Variants in INPP5D observed in about 807,000 individuals in gnomAD.
The protein encoded by INPP5D is inositol polyphosphate-5-phosphatase D.
In INPP5D, 33 loss-of-function variants were observed where a neutral mutation model predicts 122.9. That is an observed-to-expected ratio of 0.27 (90% confidence interval 0.20 to 0.36). INPP5D has a LOEUF of 0.36. Among genes scored for constraint, INPP5D ranks in the 10% least tolerant of loss-of-function variants. INPP5D has a pLI of 1.00. For missense variants in INPP5D, 1,053 were observed against 1,412.7 expected (o/e 0.75, Z 4.08); for synonymous variants, 584 against 576.2 (o/e 1.01, Z -0.19).
At position 233,184,541 on chromosome 2, in the gene INPP5D, C is replaced by T. The variant is rs745400922; in HGVS notation, c.2275+20C>T. 1.9e-6 allele frequency: 3 copies of T among 1,613,576 alleles called. No homozygotes were observed. The highest frequency in any genetic ancestry group is 2.7e-5 in the African/African-American group (2 of 74,924). ...TGGAGAGTAAGTGGCTGCTGAGCCA[C>T]CTTCTGGGCAGAACTGCCCGGAGCC... On this transcript the variant is annotated intron_variant, in intron 20 of 26. Transcript: ENST00000445964.
intron 2 of INPP5D, among the ~76,000 whole-genome samples, chr2:233,095,030 G>A (rs1005884097): frequency 2.0e-5 from 3 of 152,136 alleles, no homozygotes; most frequent in Non-Finnish European, 4.4e-5. Flanking sequence ...ACCTCATGTT[G>A]CCTAGGTTAG....
In INPP5D at chr2:233,078,640, G is replaced by A. The variant is rs146002464; in HGVS notation, c.135-695G>A. 2.3e-3 allele frequency among the ~76,000 whole-genome samples: 354 copies of A among 152,226 alleles called. 3 individuals carry two copies. The highest frequency in any genetic ancestry group is 0.019 in the East Asian group (96 of 5,176). On this transcript the variant is annotated intron_variant, in intron 1 of 26. Coordinates refer to ENST00000445964, the MANE Select transcript of INPP5D (RefSeq NM_001017915.3). This position sits in a 1 kb window ranked among gnomAD's most constrained non-coding sequence, Gnocchi z 4.6. Reference sequence around the variant, plus strand: ...CGCTCTGCTTGGGCCCACTGGAGTCGTGTTTCTTCTTCAAACACCCCCTCT... The same window carrying A: ...CGCTCTGCTTGGGCCCACTGGAGTCATGTTTCTTCTTCAAACACCCCCTCT...
intron 1 of INPP5D, among the ~76,000 whole-genome samples, chr2:233,061,453 C>T (rs1175275325): frequency 1.3e-5 from 2 of 152,090 alleles, no homozygotes; most frequent in Admixed American, 6.6e-5. Flanking sequence ...ATCATTTTGC[C>T]GGGGCCTCAG....
At position 233,190,650 on chromosome 2, in the gene INPP5D, G is replaced by A. The variant is rs79330248; in HGVS notation, c.2446+713G>A. On this transcript the variant is annotated intron_variant, in intron 22 of 26. Transcript: ENST00000445964. Reference sequence around the variant, plus strand: ...GTGGAGGCCCACAGCCAGAGAGACAGCAGGGGCTTTTGTACCATCTCTGCC... The same window carrying A: ...GTGGAGGCCCACAGCCAGAGAGACAACAGGGGCTTTTGTACCATCTCTGCC... Among the ~76,000 whole-genome samples the A allele has an allele frequency of 9.4e-3, 1,427 of 152,314 alleles. 18 individuals carry two copies. The highest frequency in any genetic ancestry group is 0.059 in the East Asian group (304 of 5,176).
intron 20 of INPP5D, 127 bp from the exon 21 acceptor site, chr2:233,185,714 TAA>T (rs34533084): frequency 0.12 from 74,712 of 612,980 alleles, 4 homozygotes; most frequent in East Asian, 0.14. Flanking sequence ...GGCCCCGAGA[TAA>T]AAAAAAAAAA....
intron 8 of INPP5D, 114 bp downstream of exon 8, chr2:233,146,552 A>G: frequency 1.5e-6 from 1 of 686,706 alleles, no homozygotes; most frequent in Non-Finnish European, 2.7e-6. Context: ...AAGAGCAGGG[A>G]GCGCATTAGC....
intron 2 of INPP5D, among the ~76,000 whole-genome samples, chr2:233,113,714 G>A (rs926211893): frequency 3.3e-5 from 5 of 152,140 alleles, no homozygotes; most frequent in African/African-American, 4.8e-5. Flanking sequence ...TGCCCTGTTC[G>A]ATGGGCTAAT....
Position 233,161,948 on chromosome 2 carries a change from T to G in INPP5D, c.1240+122T>G, listed in dbSNP as rs367936476. ...CCCCTTCCTTCCTGCCCCAGGGCCCTGCCCCTAAGCCCCAGCCCACCCGCA... is the reference window on the plus strand; with the variant it reads ...CCCCTTCCTTCCTGCCCCAGGGCCCGGCCCCTAAGCCCCAGCCCACCCGCA... On this transcript the variant is annotated intron_variant, in intron 11 of 26. Transcript: ENST00000445964. 1.3e-5 allele frequency: 18 copies of G among 1,414,240 alleles called. 1 individual carries two copies. The highest frequency in any genetic ancestry group is 1.0e-4 in the African/African-American group (7 of 69,636). 87.6% of individuals were successfully genotyped at this position (1,414,240 alleles called of 1,614,324 possible). A position where few individuals can be genotyped will look rare whatever the true frequency, so the allele number is the denominator to read the frequency against.
At chr2:233,098,918 C>G (rs1460688261) in intron 2 of INPP5D, among the ~76,000 whole-genome samples, 1 of 114,636 alleles carries the variant, frequency 8.7e-6, no homozygotes, top group Non-Finnish European at 2.0e-5. Context: ...TCCTGCTAAG[C>G]TAGATTTGGA....
chr2:233,174,480 G>A (rs761518910), intron 17 of INPP5D, among the ~76,000 whole-genome samples: 19 of 152,180 alleles, frequency 1.2e-4, no homozygotes, highest in Non-Finnish European at 2.2e-4. Flanking sequence ...AGCTGATGCC[G>A]AGAACTGCAA....
rs1361993179 is a variant in INPP5D at position 233,204,801 on chromosome 2, T to A, written c.3567+84T>A. The stretch of plus-strand genomic sequence containing the variant: ...GTATGTGTGTACCTATGCATATGTG[T>A]GTGCATGTGTGTGTGCACGCATGCA... On this transcript the variant is annotated intron_variant, in intron 26 of 26. Coordinates refer to ENST00000445964, the MANE Select transcript of INPP5D (RefSeq NM_001017915.3). 2.2e-6 allele frequency: 3 copies of A among 1,387,598 alleles called. No homozygotes were observed. The South Asian group carries it at 4.6e-5, about 21-fold the overall frequency. 86.0% of individuals were successfully genotyped at this position (1,387,598 alleles called of 1,614,324 possible). A position where few individuals can be genotyped will look rare whatever the true frequency, so the allele number is the denominator to read the frequency against.
chr2:233,169,397 C>A lies in INPP5D; in HGVS notation c.1648C>A (p.Leu550Ile). ...CTTGACTTCAGGAAGTGAAAAGAAA[C>A]TCAGGTAATGGAACTCCTTCCCCCC... The part of the protein sequence containing the change: ...SHLTSGSEKK[L>I]RRNQNYMNIL... The change falls in exon 14 of 27, where the codon CTC becomes ATC. Residue 550 changes from leucine (L) to isoleucine (I), a missense_variant. Leu to Ile is a conservative substitution (Grantham distance 5, BLOSUM62 2). Coordinates refer to ENST00000445964, the MANE Select transcript of INPP5D (RefSeq NM_001017915.3). 1 of 1,580,450 alleles carries A rather than the reference C, an allele frequency of 6.3e-7. No homozygotes were observed. The highest frequency in any genetic ancestry group is 8.6e-7 in the Non-Finnish European group (1 of 1,161,460).
intron 4 of INPP5D, 42 bp from the exon 5 acceptor site, chr2:233,130,466 G>A (rs746010574): frequency 6.2e-7 from 1 of 1,602,250 alleles, no homozygotes; most frequent in Non-Finnish European, 8.5e-7. Context: ...GTGGCTAAAA[G>A]AAACAGGCAA....
intron 6 of INPP5D, chr2:233,145,276 C>G (rs1256256616): frequency 1.8e-5 from 8 of 456,066 alleles, no homozygotes; most frequent in Non-Finnish European, 3.1e-5. Context: ...AGCTGTGCGA[C>G]CTCAGACAAG....
intron 9 of INPP5D, among the ~76,000 whole-genome samples, chr2:233,152,275 T>G (rs1169552077): frequency 6.6e-6 from 1 of 152,178 alleles, no homozygotes; most frequent in Non-Finnish European, 1.5e-5. Flanking sequence ...AATCTGTGGT[T>G]GCAAGAGTTG....
intron 2 of INPP5D, among the ~76,000 whole-genome samples, chr2:233,091,244 C>A (rs192336444): frequency 2.0e-5 from 3 of 152,186 alleles, no homozygotes; most frequent in African/African-American, 7.2e-5. Flanking sequence ...GTCCCATAGC[C>A]GCTCCTTATA....
intron 5 of INPP5D, among the ~76,000 whole-genome samples, chr2:233,133,751 T>A (rs1033992205): frequency 8.5e-5 from 13 of 152,098 alleles, no homozygotes; most frequent in African/African-American, 2.9e-4. Flanking sequence ...CATGATCTGA[T>A]TTTCAAGTGG....
At position 233,163,775 on chromosome 2, in the gene INPP5D, G is replaced by A. The variant is rs776762956; in HGVS notation, c.1309G>A (p.Asp437Asn). The part of the protein sequence containing the change: ...LSKGQGKTRD[D>N]SADYIPHDIY... ...CAAGGGGCAGGGAAAGACGCGGGAC[G>A]ACTCTGCGGACTACATCCCCCATGA... The change falls in exon 12 of 27, where the codon GAC becomes AAC. Residue 437 changes from aspartate to asparagine, a missense_variant. Around this residue, in one of 6 missense-constraint regions of INPP5D, gnomAD observed 105 missense variants for 199.8 expected, o/e 0.53. Transcript: ENST00000445964. 1.9e-6 allele frequency: 3 copies of A among 1,613,944 alleles called. No homozygotes were observed. Among genetic ancestry groups the A allele is most frequent in the Admixed American group, 1.7e-5 (1 of 60,016 alleles).
intron 2 of INPP5D, among the ~76,000 whole-genome samples, chr2:233,102,380 C>T (rs1245353836): frequency 6.6e-6 from 1 of 152,152 alleles, no homozygotes; most frequent in African/African-American, 2.4e-5. Context: ...CCCGCCTCTC[C>T]CTAGTGTCCC....
Sources: gnomAD v4.1 joint callset for allele counts (sites outside exome capture counted in the v4.1 genomes callset) on GRCh38, gnomAD v4.1.1 for gene constraint, gnomAD v4.1.1 regional missense constraint, Gnocchi (gnomAD v3.1) non-coding constraint, MANE v1.5 for transcripts, NCBI Gene and HGNC (gene_info 2026-07-23, HGNC 2026-07-21) for gene names.